The following ADAMTS3 variants were observed in gnomAD, a reference collection of about 807,000 sequenced individuals.
The protein encoded by ADAMTS3 is A disintegrin and metalloproteinase with thrombospondin motifs 3.
Under a neutral mutation model 129.0 loss-of-function variants are expected in ADAMTS3, and 73 were observed. The observed-to-expected ratio is 0.57, with a 90% CI of 0.47 to 0.69. The LOEUF (loss-of-function observed/expected upper bound fraction) is 0.69, where lower values mean the gene tolerates loss of function less well. Ranked by LOEUF, ADAMTS3 falls within the 30% of genes least tolerant of loss-of-function variation. The pLI is 0.00. For missense variants in ADAMTS3, 1,457 were observed against 1,514.5 expected, an observed-to-expected ratio of 0.96 and a Z score of 0.63; for synonymous variants, 477 against 510.8, an observed-to-expected ratio of 0.93 and a Z score of 0.89.
At chr4:72,422,050 C>G (rs996787496) in intron 3 of ADAMTS3, among the ~76,000 whole-genome samples, 2 of 152,114 alleles carry the variant, frequency 1.3e-5, no homozygotes, top group Non-Finnish European at 2.9e-5. Flanking sequence ...GCTCTCAGGT[C>G]TGCAACATTT....
At chr4:72,297,110 C>A (rs1212257717) in intron 18 of ADAMTS3, among the ~76,000 whole-genome samples, 1 of 151,992 alleles carries the variant, frequency 6.6e-6, no homozygotes, top group Non-Finnish European at 1.5e-5. Context: ...TTTTACCATT[C>A]ATTCATGCAT....
intron 3 of ADAMTS3, among the ~76,000 whole-genome samples, chr4:72,514,903 T>C (rs2062066): frequency 0.32 from 47,942 of 151,890 alleles, 7,693 homozygotes; most frequent in Middle Eastern, 0.35. Context: ...GTTACATATG[T>C]ATACATGTGC....
chr4:72,563,653 GC>G (rs1560569262), intron 2 of ADAMTS3, among the ~76,000 whole-genome samples: 1 of 152,222 alleles, frequency 6.6e-6, no homozygotes, highest in East Asian at 1.9e-4. Flanking sequence ...GTCCCAAGAG[GC>G]CTTGATAACA....
intron 3 of ADAMTS3, among the ~76,000 whole-genome samples, chr4:72,514,939 C>T (rs570443206): frequency 1.7e-4 from 26 of 152,110 alleles, no homozygotes; most frequent in South Asian, 1.3e-3. Flanking sequence ...CACCCATTAA[C>T]TCGTCATGTA....
chr4:72,474,984 G>A (rs1056218948), intron 3 of ADAMTS3, among the ~76,000 whole-genome samples: 10 of 150,010 alleles, frequency 6.7e-5, no homozygotes, highest in East Asian at 5.9e-4. Flanking sequence ...CCGAGATCCC[G>A]CCACTGCACT....
intron 4 of ADAMTS3, among the ~76,000 whole-genome samples, chr4:72,381,730 C>G (rs942893557): frequency 2.0e-5 from 3 of 151,868 alleles, no homozygotes; most frequent in African/African-American, 7.3e-5. Context: ...GAAGACTAGT[C>G]CAGAAGGTGG....
intron 3 of ADAMTS3, among the ~76,000 whole-genome samples, chr4:72,540,445 A>C (rs1479540202): frequency 6.6e-6 from 1 of 152,220 alleles, no homozygotes; most frequent in African/African-American, 2.4e-5. Flanking sequence ...TGACAATGCA[A>C]TAGGAAAGAA....
rs759902398 is a variant in ADAMTS3 at position 72,545,414 on chromosome 4, G to A, written c.504+3064C>T. Among the ~76,000 whole-genome samples the A allele has an allele frequency of 2.6e-5, 4 of 152,256 alleles. No individual in the cohort carries two copies. In the South Asian group the frequency reaches 6.2e-4, roughly 24 times the overall value. On this transcript the variant is annotated intron_variant, in intron 3 of 21. Coordinates refer to ENST00000286657, the MANE Select transcript of ADAMTS3 (RefSeq NM_014243.3). ...TTCTGTCAGCTCTCAAGGGGCCACTGCTTGACCAAACCTCAGGAAGGGAGC... is the reference window on the plus strand; with the variant it reads ...TTCTGTCAGCTCTCAAGGGGCCACTACTTGACCAAACCTCAGGAAGGGAGC...
intron 21 of ADAMTS3, among the ~76,000 whole-genome samples, chr4:72,284,076 T>G (rs1718434577): frequency 6.6e-6 from 1 of 152,218 alleles, no homozygotes; most frequent in Admixed American, 6.5e-5. Context: ...TTTTATTTTA[T>G]GGTATTTCTG....
intron 5 of ADAMTS3, among the ~76,000 whole-genome samples, chr4:72,338,960 G>A (rs1024230351): frequency 6.6e-6 from 1 of 152,066 alleles, no homozygotes; most frequent in African/African-American, 2.4e-5. Context: ...GTGCAGCACC[G>A]TGCCAATAGT....
chr4:72,327,542 G>C (rs79222500), intron 5 of ADAMTS3, among the ~76,000 whole-genome samples: 1,696 of 152,238 alleles, frequency 0.011, 19 homozygotes, highest in African/African-American at 0.039. Flanking sequence ...ATATATTAGA[G>C]AGCTCAGAAT....
chr4:72,511,764 T>G (rs903137802), intron 3 of ADAMTS3, among the ~76,000 whole-genome samples: 3 of 152,218 alleles, frequency 2.0e-5, no homozygotes, highest in Non-Finnish European at 4.4e-5. Flanking sequence ...CAGCTGGGTA[T>G]ATACCCAAAA....
intron 3 of ADAMTS3, among the ~76,000 whole-genome samples, chr4:72,424,840 G>A (rs1197004945): frequency 1.3e-5 from 2 of 152,036 alleles, no homozygotes; most frequent in African/African-American, 4.8e-5. Flanking sequence ...CCTACTTGTA[G>A]GACAGTCTTG....
At chr4:72,306,467 G>A (rs1376120270) in intron 15 of ADAMTS3, among the ~76,000 whole-genome samples, 1 of 151,872 alleles carries the variant, frequency 6.6e-6, no homozygotes, top group Non-Finnish European at 1.5e-5. Context: ...TAAACTTTTT[G>A]GGATATGTTA....
At chr4:72,482,479 A>G (rs1043143697) in intron 3 of ADAMTS3, among the ~76,000 whole-genome samples, 2 of 152,122 alleles carry the variant, frequency 1.3e-5, no homozygotes, top group Admixed American at 1.3e-4. Flanking sequence ...GGAAATGAAG[A>G]ACAGATTCAC....
intron 3 of ADAMTS3, among the ~76,000 whole-genome samples, chr4:72,437,486 T>C (rs925822326): frequency 6.6e-6 from 1 of 151,790 alleles, no homozygotes; most frequent in Admixed American, 6.6e-5. Context: ...TGTATCCTCC[T>C]TAGTTGATAC....
intron 3 of ADAMTS3, among the ~76,000 whole-genome samples, chr4:72,432,360 T>C (rs1185524179): frequency 1.3e-5 from 2 of 151,864 alleles, no homozygotes; most frequent in African/African-American, 4.8e-5. Flanking sequence ...CGGTATCTGC[T>C]CCCCTCCGAC....
At chr4:72,548,984 A>G in intron 2 of ADAMTS3, 100 bp from the exon 3 acceptor site, 1 of 1,042,346 alleles carries the variant, frequency 9.6e-7, no homozygotes, top group Non-Finnish European at 1.4e-6. Context: ...ACCATACTTC[A>G]ATGTGCATAA....
intron 4 of ADAMTS3, among the ~76,000 whole-genome samples, chr4:72,362,639 T>C (rs1720759377): frequency 6.6e-6 from 1 of 152,136 alleles, no homozygotes; most frequent in Admixed American, 6.5e-5. Context: ...ATTATAAAAA[T>C]TTCTAGTGAT....
Sources: gnomAD v4.1 joint callset for allele counts (sites outside exome capture counted in the v4.1 genomes callset) on GRCh38, gnomAD v4.1.1 for gene constraint, MANE v1.5 for transcripts, NCBI Gene and HGNC (gene_info 2026-07-23, HGNC 2026-07-21) for gene names.